The following ITGA9 variants were observed in gnomAD, a reference collection of about 807,000 sequenced individuals.
ITGA9 encodes the protein integrin alpha-9.
ITGA9 carries 56 observed loss-of-function variants against 127.8 expected under a neutral mutation model. The ratio of observed to expected loss-of-function variants is 0.44; its 90% CI spans 0.35 to 0.55. The LOEUF is 0.55. Ranked by LOEUF, ITGA9 falls within the 20% of genes least tolerant of loss-of-function variation. The probability of loss-of-function intolerance (pLI) is 0.00; values close to 1 mark genes in which losing one functional copy is unlikely to be tolerated. For synonymous variants in ITGA9, 508 were observed against 514.5 expected (o/e 0.99, Z 0.17); for missense variants, 1,196 against 1,347.1 (o/e 0.89, Z 1.76).
At chr3:37,607,402 T>C (rs1699978632) in intron 15 of ITGA9, among the ~76,000 whole-genome samples, 1 of 152,178 alleles carries the variant, frequency 6.6e-6, no homozygotes, top group African/African-American at 2.4e-5. Flanking sequence ...ACTTTTTTTC[T>C]ATCTACAAGT....
intron 15 of ITGA9, among the ~76,000 whole-genome samples, chr3:37,620,779 C>G (rs1700120048): frequency 6.6e-6 from 1 of 152,202 alleles, no homozygotes; most frequent in South Asian, 2.1e-4. Context: ...TACAAGGATT[C>G]TTGACACTTG....
chr3:37,512,602 A>G (rs534906053), intron 8 of ITGA9, among the ~76,000 whole-genome samples: 2 of 152,214 alleles, frequency 1.3e-5, no homozygotes, highest in East Asian at 3.9e-4. Flanking sequence ...TGGCTTGCAC[A>G]GTATTTGTTT....
At chr3:37,602,755 T>C (rs1015371141) in intron 15 of ITGA9, among the ~76,000 whole-genome samples, 2 of 152,182 alleles carry the variant, frequency 1.3e-5, no homozygotes, top group African/African-American at 4.8e-5. Flanking sequence ...TCGTATACAT[T>C]ATCTCATTTA....
Position 37,608,278 on chromosome 3 carries a change from A to T in ITGA9, c.1690-20909A>T, listed in dbSNP as rs1303291039. 2.6e-5 allele frequency among the ~76,000 whole-genome samples: 4 copies of T among 152,238 alleles called. No homozygotes were observed. The East Asian group carries it at 7.7e-4, about 29-fold the overall frequency. ...CCAATATAAAAAGTGTTAATAATTT[A>T]CCCACTTAAAAGGTTAAGATCAAAG... On this transcript the variant is annotated intron_variant, in intron 15 of 27. Transcript: ENST00000264741.
At position 37,452,353 on chromosome 3, in the gene ITGA9, G is replaced by T; in HGVS notation, c.-22G>T. On this transcript the variant is annotated 5_prime_UTR_variant, in exon 1 of 28. Transcript: ENST00000264741. This position sits in a 1 kb window ranked among gnomAD's most constrained non-coding sequence, Gnocchi z 7.3. ...CGGCGCCCTGCTCGCCGGGCAGAGG[G>T]GAAGGCGGCGGCCGGCTGGGGATGG... The T allele has an allele frequency of 3.5e-6, 4 of 1,148,504 alleles. No individual in the cohort carries two copies. Among genetic ancestry groups the T allele is most frequent in the Non-Finnish European group, 4.3e-6 (4 of 937,300 alleles). 71.1% of individuals were successfully genotyped at this position (1,148,504 alleles called of 1,614,324 possible). A position where few individuals can be genotyped will look rare whatever the true frequency, so the allele number is the denominator to read the frequency against.
intron 18 of ITGA9, among the ~76,000 whole-genome samples, chr3:37,720,431 AG>A (rs1701179410): frequency 6.6e-6 from 1 of 152,206 alleles, no homozygotes; most frequent in South Asian, 2.1e-4. Context: ...TATAAGGCAA[AG>A]GAAAAGAGTG....
intron 18 of ITGA9, among the ~76,000 whole-genome samples, chr3:37,717,944 C>G (rs1444284729): frequency 6.6e-6 from 1 of 152,164 alleles, no homozygotes; most frequent in Non-Finnish European, 1.5e-5. Context: ...GGAATGGGGA[C>G]AGCCAATGCT....
At chr3:37,562,768 G>A (rs761832313) in intron 15 of ITGA9, among the ~76,000 whole-genome samples, 2 of 152,128 alleles carry the variant, frequency 1.3e-5, no homozygotes, top group Non-Finnish European at 2.9e-5. Flanking sequence ...ACTTCCCTGG[G>A]CATGATACCC....
intron 15 of ITGA9, among the ~76,000 whole-genome samples, chr3:37,608,652 T>A (rs958442205): frequency 6.6e-6 from 1 of 152,202 alleles, no homozygotes; most frequent in Middle Eastern, 3.2e-3. Flanking sequence ...TTGGAGACAC[T>A]TCTCTCTTCC....
chr3:37,499,181 CAG>C, intron 5 of ITGA9, among the ~76,000 whole-genome samples: 1 of 152,304 alleles, frequency 6.6e-6, no homozygotes, highest in East Asian at 1.9e-4. Context: ...ATGAGGCTAA[CAG>C]AGGTAGTAGA....
chr3:37,752,682 CA>C (rs1696602356), intron 23 of ITGA9, among the ~76,000 whole-genome samples: 1 of 152,182 alleles, frequency 6.6e-6, no homozygotes, highest in South Asian at 2.1e-4. Context: ...ACGTGTGGCA[CA>C]GTTTTCTGAC....
intron 2 of ITGA9, 128 bp downstream of exon 2, chr3:37,471,262 C>T (rs1406058815): frequency 1.9e-6 from 2 of 1,069,472 alleles, no homozygotes; most frequent in Non-Finnish European, 2.9e-6. Context: ...CTCCTTCTCT[C>T]CAACAAGCAT....
In ITGA9 at chr3:37,752,016, A is replaced by G. The variant is rs150452884; in HGVS notation, c.2541+1447A>G. Among the ~76,000 whole-genome samples, 406 of 152,322 alleles carry G rather than the reference A, an allele frequency of 2.7e-3. 4 individuals are homozygous for G. Among genetic ancestry groups the G allele is most frequent in the African/African-American group, 9.5e-3 (394 of 41,578 alleles). ...CTTATAAACGATCACCACTGAGCCC[A>G]GAATGACAACAAGAGTAGAAGCATA... On this transcript the variant is annotated intron_variant, in intron 23 of 27. Transcript: ENST00000264741.
intron 22 of ITGA9, chr3:37,745,930 G>A (rs892046663): frequency 1.3e-5 from 2 of 152,248 alleles, no homozygotes; most frequent in African/African-American, 4.8e-5. Context: ...GAAGTGCACA[G>A]CATTCAATCC....
intron 18 of ITGA9, among the ~76,000 whole-genome samples, chr3:37,687,875 T>G (rs7641596): frequency 0.74 from 112,287 of 152,222 alleles, 42,568 homozygotes; most frequent in African/African-American, 0.92. Context: ...GATCTCAGTG[T>G]TGAGTTTAGA....
intron 19 of ITGA9, among the ~76,000 whole-genome samples, chr3:37,736,117 A>C (rs1467917577): frequency 6.6e-6 from 1 of 152,162 alleles, no homozygotes; most frequent in Non-Finnish European, 1.5e-5. Context: ...TTCTGAGTGC[A>C]CTAATTCCAT....
At chr3:37,669,976 C>T (rs1161303121) in intron 17 of ITGA9, among the ~76,000 whole-genome samples, 1 of 152,136 alleles carries the variant, frequency 6.6e-6, no homozygotes, top group East Asian at 1.9e-4. Flanking sequence ...AGTCATAAGC[C>T]TTTCTCACCA....
intron 17 of ITGA9, among the ~76,000 whole-genome samples, chr3:37,678,094 G>A (rs1038010461): frequency 3.9e-5 from 6 of 152,200 alleles, no homozygotes; most frequent in African/African-American, 1.4e-4. Flanking sequence ...TTTGGGTTGT[G>A]TCTACCCTTG....
rs965946235 is a variant in ITGA9, at chr3:37,814,299, C to T, written c.3010-4592C>T. 2.0e-5 allele frequency among the ~76,000 whole-genome samples: 3 copies of T among 152,232 alleles called. No homozygotes were observed. The highest frequency in any genetic ancestry group is 4.8e-5 in the African/African-American group (2 of 41,462). On this transcript the variant is annotated intron_variant, in intron 27 of 27. Transcript: ENST00000264741. The surrounding 1 kb of genome is among the most constrained non-coding windows in gnomAD (Gnocchi z 4.3). ...AACCTTCCCAGGCTGGGCGCGGTGG[C>T]TCACACCTGTAATCCCAGCACTTTG...
Sources: allele counts gnomAD v4.1 joint callset (sites outside exome capture counted in the v4.1 genomes callset), GRCh38; gene constraint gnomAD v4.1.1; non-coding constraint Gnocchi (gnomAD v3.1); transcripts MANE v1.5; gene names NCBI Gene and HGNC (gene_info 2026-07-23, HGNC 2026-07-21).